KIF27: variants seen among roughly 807,000 people sequenced by gnomAD.
The protein encoded by KIF27 is kinesin family member 27.
KIF27 carries 84 observed loss-of-function variants against 141.8 expected under a neutral mutation model. The observed-to-expected ratio is 0.59, with a 90% CI of 0.50 to 0.71. KIF27 has a LOEUF of 0.71. Among genes scored for constraint, KIF27 ranks in the 30% least tolerant of loss-of-function variants. The pLI, the probability that KIF27 is intolerant of heterozygous loss-of-function variation, is 0.00. For synonymous variants in KIF27, 471 were observed against 569.5 expected (o/e 0.83, Z 2.46); for missense variants, 1,306 against 1,628.4 (o/e 0.80, Z 3.41).
intron 11 of KIF27, among the ~76,000 whole-genome samples, chr9:83,871,045 G>C (rs547350073): frequency 1.1e-4 from 16 of 152,138 alleles, no homozygotes; most frequent in Non-Finnish European, 1.5e-4. Context: ...CAAGTAGCTA[G>C]GACTACAGGT....
chr9:83,898,059 C>G (rs1382561146), intron 5 of KIF27, among the ~76,000 whole-genome samples: 1 of 152,050 alleles, frequency 6.6e-6, no homozygotes, highest in African/African-American at 2.4e-5. Flanking sequence ...AAAGATATAT[C>G]TACCCTATGG....
chr9:83,883,010 G>A (rs1273376784), intron 10 of KIF27, among the ~76,000 whole-genome samples: 3 of 151,966 alleles, frequency 2.0e-5, no homozygotes, highest in East Asian at 3.9e-4. Context: ...ACAATATACC[G>A]GGCACACCAG....
At chr9:83,845,024 A>C (rs7030494) in intron 16 of KIF27, among the ~76,000 whole-genome samples, 32 of 152,290 alleles carry the variant, frequency 2.1e-4, no homozygotes, top group East Asian at 7.7e-4. Context: ...TAGGTCCAGG[A>C]TGCTGTGCAA....
intron 16 of KIF27, among the ~76,000 whole-genome samples, chr9:83,843,053 T>C (rs1378597492): frequency 5.9e-5 from 9 of 151,728 alleles, no homozygotes; most frequent in Non-Finnish European, 1.3e-4. Context: ...CTCTGTTCAT[T>C]GGCTGCTTTA....
chr9:83,887,614 A>C (rs1381136687), intron 8 of KIF27, among the ~76,000 whole-genome samples: 1 of 152,100 alleles, frequency 6.6e-6, no homozygotes, highest in Non-Finnish European at 1.5e-5. Flanking sequence ...ACTGTTTGTT[A>C]CTGTCCTGCA....
chr9:83,840,903 A>C (rs2131484294), intron 17 of KIF27, among the ~76,000 whole-genome samples: 1 of 152,254 alleles, frequency 6.6e-6, no homozygotes, highest in African/African-American at 2.4e-5. Context: ...GAGGGACATT[A>C]GACTGTGTTA....
At chr9:83,852,815 G>A (rs1948764229) in intron 15 of KIF27, among the ~76,000 whole-genome samples, 1 of 152,112 alleles carries the variant, frequency 6.6e-6, no homozygotes, top group African/African-American at 2.4e-5. Context: ...TTTTTGTAGA[G>A]AAAGGATCTC....
intron 10 of KIF27, among the ~76,000 whole-genome samples, chr9:83,881,973 T>C (rs1387009765): frequency 1.3e-5 from 2 of 152,184 alleles, no homozygotes; most frequent in Non-Finnish European, 2.9e-5. Flanking sequence ...ATTAAAAATA[T>C]AGGTTTTAGA....
chr9:83,915,337 T>C lies in KIF27; in HGVS notation c.255A>G (p.Gln85=), dbSNP rs1955582527. Residue 85 remains glutamine, a synonymous_variant, in exon 2 of 18, where the codon CAA becomes CAG. Coordinates refer to ENST00000297814, the MANE Select transcript of KIF27 (RefSeq NM_017576.4). The part of the protein sequence containing the change: ...GYNATVFAYG[Q]TGSGKTYTIG... The stretch of plus-strand genomic sequence containing the variant: ...TGGTGTATGTCTTCCCAGATCCAGT[T>C]TGTCCATAGGCAAAAACAGTTGCAT... 1 of 1,613,266 alleles carries C rather than the reference T, an allele frequency of 6.2e-7. No individual in the cohort carries two copies. The highest frequency in any genetic ancestry group is 8.5e-7 in the Non-Finnish European group (1 of 1,179,544).
Position 83,836,334 on chromosome 9 carries a change from G to A in KIF27, c.*667C>T, listed in dbSNP as rs1052306354. Among the ~76,000 whole-genome samples the A allele has an allele frequency of 1.3e-5, 2 of 152,086 alleles. No homozygotes were observed. The highest frequency in any genetic ancestry group is 4.8e-5 in the African/African-American group (2 of 41,404). ...AGTAACATAATGAGAGATATATTGA[G>A]TGTATAGAGCAGGAAAGACATGAAA... is the stretch of plus-strand genomic sequence containing the variant. On this transcript the variant is annotated 3_prime_UTR_variant, in exon 18 of 18. Coordinates refer to ENST00000297814, the MANE Select transcript of KIF27 (RefSeq NM_017576.4).
chr9:83,887,198 T>C lies in KIF27; in HGVS notation c.2084-2A>G. ...CCTGGAGACAATCAATCTTTAAATC[T>C]TTAAAAAAAAATGGAGAAATAAAAC... On this transcript the variant is annotated splice_acceptor_variant, in intron 8 of 17. Coordinates refer to ENST00000297814, the MANE Select transcript of KIF27 (RefSeq NM_017576.4). LOFTEE classifies it high-confidence loss of function. The C allele has an allele frequency of 1.4e-6, 2 of 1,468,554 alleles. No individual in the cohort carries two copies. The highest frequency in any genetic ancestry group is 9.1e-7 in the Non-Finnish European group (1 of 1,102,656). 91.0% of individuals were successfully genotyped at this position (1,468,554 alleles called of 1,614,324 possible). A position where few individuals can be genotyped will look rare whatever the true frequency, so the allele number is the denominator to read the frequency against.
At position 83,869,913 on chromosome 9, in the gene KIF27, GTAA is replaced by G. The variant is rs1056587818; in HGVS notation, c.2757+603_2757+605del. 4.6e-5 allele frequency among the ~76,000 whole-genome samples: 7 copies of G among 152,178 alleles called. No individual in the cohort carries two copies. In the South Asian group the frequency reaches 6.2e-4, roughly 14 times the overall value. On this transcript the variant is annotated intron_variant, in intron 12 of 17. Transcript: ENST00000297814. ...CATTTCTGGATGAGAACATAATTTTGTAATAATAAAAGTTTCACTACTTGGGCA... is the reference window on the plus strand; with the variant it reads ...CATTTCTGGATGAGAACATAATTTTGTAATAAAAGTTTCACTACTTGGGCA...
chr9:83,911,981 AT>A (rs1353953368), intron 2 of KIF27, among the ~76,000 whole-genome samples: 38 of 152,324 alleles, frequency 2.5e-4, no homozygotes, highest in Admixed American at 2.0e-3. Context: ...TTATTATTGC[AT>A]TAACAATTAG....
intron 11 of KIF27, among the ~76,000 whole-genome samples, chr9:83,871,656 T>G (rs1950804997): frequency 6.6e-6 from 1 of 151,970 alleles, no homozygotes; most frequent in Non-Finnish European, 1.5e-5. Flanking sequence ...CATGGTCTTA[T>G]GAAGTGCATT....
rs181366457 is a variant in KIF27, at chr9:83,851,336, T to A, written c.3358-1039A>T. ...AATGGATGTTATAAATAAGTGACAG[T>A]TTGGGTGTTTTGTTGTTGTTGTTGT... On this transcript the variant is annotated intron_variant, in intron 15 of 17. Transcript: ENST00000297814. 3.9e-5 allele frequency among the ~76,000 whole-genome samples: 6 copies of A among 152,132 alleles called. No homozygotes were observed. In the East Asian group the frequency reaches 9.7e-4, roughly 25 times the overall value.
chr9:83,853,191 T>G (rs1222650774), intron 15 of KIF27, among the ~76,000 whole-genome samples: 1 of 151,994 alleles, frequency 6.6e-6, no homozygotes, highest in Admixed American at 6.6e-5. Context: ...CACCACTTCA[T>G]CTTCATTTCA....
intron 10 of KIF27, among the ~76,000 whole-genome samples, 162 bp downstream of exon 10, chr9:83,883,651 T>C (rs1951854256): frequency 6.6e-6 from 1 of 152,210 alleles, no homozygotes; most frequent in African/African-American, 2.4e-5. Flanking sequence ...ACTACCCAGA[T>C]TGTAAAATAT....
chr9:83,896,067 A>C (rs903954467), intron 5 of KIF27, among the ~76,000 whole-genome samples: 17 of 149,230 alleles, frequency 1.1e-4, no homozygotes, highest in East Asian at 2.0e-4. Flanking sequence ...AAAAAAAAAA[A>C]AAAAAAAACA....
chr9:83,874,139 G>A (rs1951023147), intron 11 of KIF27, among the ~76,000 whole-genome samples: 1 of 151,562 alleles, frequency 6.6e-6, no homozygotes, highest in African/African-American at 2.4e-5. Flanking sequence ...TGTAATCTTT[G>A]TTATACATAT....
Sources: allele counts gnomAD v4.1 joint callset (sites outside exome capture counted in the v4.1 genomes callset), GRCh38; gene constraint gnomAD v4.1.1; transcripts MANE v1.5; gene names NCBI Gene and HGNC (gene_info 2026-07-23, HGNC 2026-07-21).